Variants in GABRA3 observed in about 807,000 individuals in gnomAD.
The protein encoded by GABRA3 is gamma-aminobutyric acid receptor subunit alpha-3.
GABRA3 carries 10 observed loss-of-function variants against 30.1 expected under a neutral mutation model. That is an observed-to-expected ratio of 0.33 (90% confidence interval 0.20 to 0.56). The LOEUF (loss-of-function observed/expected upper bound fraction) is 0.56, where lower values mean the gene tolerates loss of function less well. GABRA3 is among the 20% of genes least tolerant of loss of function. GABRA3 has a pLI of 0.89. For missense variants in GABRA3, 233 were observed against 392.0 expected (o/e 0.59, Z 3.42); for synonymous variants, 151 against 146.8 (o/e 1.03, Z -0.21).
At chrX:152,232,419 T>G (rs1938099515) in intron 5 of GABRA3, among the ~76,000 whole-genome samples, 1 of 109,636 alleles carries the variant, frequency 9.1e-6, no homozygotes, top group African/African-American at 3.3e-5. Context: ...CTTCCTACTC[T>G]CCTACCCTTT....
intron 4 of GABRA3, 114 bp downstream of exon 4, chrX:152,284,554 T>G: frequency 2.1e-6 from 1 of 478,650 alleles, no homozygotes; most frequent in Non-Finnish European, 3.5e-6. Context: ...GAAATTCATA[T>G]GAGAAAAGAC....
chrX:152,239,537 C>T (rs1328327858), intron 5 of GABRA3, among the ~76,000 whole-genome samples: 6 of 90,706 alleles, frequency 6.6e-5, no homozygotes, highest in Admixed American at 2.5e-4. Flanking sequence ...GAGTTCAATT[C>T]CTGGGTATCC....
chrX:152,412,829 C>T (rs190109336), intron 1 of GABRA3, among the ~76,000 whole-genome samples: 3 of 110,809 alleles, frequency 2.7e-5, no homozygotes, highest in African/African-American at 9.8e-5. Context: ...GTCACTGAAA[C>T]GTACACTTTA....
chrX:152,195,894 C>T (rs138733070), intron 8 of GABRA3, among the ~76,000 whole-genome samples: 4,520 of 111,034 alleles, frequency 0.041, 165 homozygotes, highest in African/African-American at 0.12. Context: ...ATTCTGCCTA[C>T]CACAATCTTA....
intron 3 of GABRA3, among the ~76,000 whole-genome samples, chrX:152,294,417 T>C (rs1310583465): frequency 1.8e-5 from 2 of 111,460 alleles, no homozygotes; most frequent in Non-Finnish European, 3.8e-5. Flanking sequence ...CTTGATCGAA[T>C]TGGCTACTGA....
intron 3 of GABRA3, among the ~76,000 whole-genome samples, chrX:152,344,768 C>G (rs1940365596): frequency 9.0e-6 from 1 of 111,104 alleles, no homozygotes; most frequent in East Asian, 2.8e-4. Context: ...TAATCAATGT[C>G]ATGAAAGACA....
At chrX:152,327,293 G>A (rs746822645) in intron 3 of GABRA3, among the ~76,000 whole-genome samples, 5 of 110,669 alleles carry the variant, frequency 4.5e-5, no homozygotes, top group South Asian at 3.9e-4. Flanking sequence ...ACAGATCAAC[G>A]AGACAGAAAG....
intron 5 of GABRA3, among the ~76,000 whole-genome samples, chrX:152,233,780 A>G (rs1938138221): frequency 9.6e-6 from 1 of 104,479 alleles, no homozygotes; most frequent in African/African-American, 3.5e-5. Context: ...ACAATAGCAA[A>G]GACTTGGAAC....
intron 3 of GABRA3, among the ~76,000 whole-genome samples, chrX:152,328,547 A>G (rs1193658172): frequency 8.9e-6 from 1 of 112,108 alleles, no homozygotes; most frequent in Admixed American, 9.5e-5. Flanking sequence ...GGTTCAACAT[A>G]CACAAATCAA....
rs888392110 is a variant in GABRA3 at position 152,285,320 on chromosome X, G to C, written c.263-585C>G. On this transcript the variant is annotated intron_variant, in intron 3 of 9. Coordinates refer to ENST00000370314, the MANE Select transcript of GABRA3 (RefSeq NM_000808.4). ...ATATATGGAGGAGCACTGCCCTGGA[G>C]AGTTGCCTGGATCCACAATAGACTT... Among the ~76,000 whole-genome samples the C allele has an allele frequency of 4.5e-5, 5 of 112,263 alleles. No individual in the cohort carries two copies. The Admixed American group carries it at 4.8e-4, about 11-fold the overall frequency.
At chrX:152,245,087 G>A (rs752794825) in intron 5 of GABRA3, among the ~76,000 whole-genome samples, 2 of 101,749 alleles carry the variant, frequency 2.0e-5, no homozygotes, top group South Asian at 1.0e-3. Flanking sequence ...CTATCACTGT[G>A]TTTAAGTATA....
rs559614880 is a variant in GABRA3, at chrX:152,376,791, A to G, written c.-26-12195T>C. ...AATTTAATGATACCAATCTAATTACACTGCAGTTCTGTCTATTTCTATTCA... is the reference window on the plus strand; with the variant it reads ...AATTTAATGATACCAATCTAATTACGCTGCAGTTCTGTCTATTTCTATTCA... On this transcript the variant is annotated intron_variant, in intron 1 of 9. Coordinates refer to ENST00000370314, the MANE Select transcript of GABRA3 (RefSeq NM_000808.4). Among the ~76,000 whole-genome samples the G allele has an allele frequency of 1.2e-4, 13 of 111,558 alleles. No individual in the cohort carries two copies. The South Asian group carries it at 4.9e-3, about 42-fold the overall frequency.
intron 2 of GABRA3, among the ~76,000 whole-genome samples, chrX:152,351,833 A>C (rs1437396060): frequency 9.0e-6 from 1 of 111,043 alleles, no homozygotes; most frequent in African/African-American, 3.3e-5. Flanking sequence ...TAACACTTAG[A>C]GGCTATATAG....
chrX:152,262,006 G>T, intron 4 of GABRA3, among the ~76,000 whole-genome samples: 1 of 112,558 alleles, frequency 8.9e-6, no homozygotes, highest in Non-Finnish European at 1.9e-5. Context: ...TGACTTCTGT[G>T]TACCTGCAGG....
chrX:152,430,320 G>A (rs1201057446), intron 1 of GABRA3, among the ~76,000 whole-genome samples: 1 of 111,895 alleles, frequency 8.9e-6, no homozygotes, highest in African/African-American at 3.2e-5. Context: ...GGAAGAGGCA[G>A]CCAGAAGTTC....
chrX:152,409,304 C>T (rs1193167984), intron 1 of GABRA3, among the ~76,000 whole-genome samples: 2 of 111,599 alleles, frequency 1.8e-5, no homozygotes, highest in African/African-American at 6.5e-5. Flanking sequence ...TATGATTGCA[C>T]CACTGCACTC....
At chrX:152,215,938 C>T (rs1443821669) in intron 6 of GABRA3, among the ~76,000 whole-genome samples, 1 of 111,133 alleles carries the variant, frequency 9.0e-6, no homozygotes, top group Non-Finnish European at 1.9e-5. Flanking sequence ...CCTTAATAGA[C>T]TTCTCTCAAA....
intron 3 of GABRA3, among the ~76,000 whole-genome samples, chrX:152,295,645 G>A (rs905665690): frequency 8.9e-5 from 10 of 112,690 alleles, no homozygotes; most frequent in Non-Finnish European, 1.3e-4. Flanking sequence ...TTGACCCCTT[G>A]CACATCCTCG....
At chrX:152,404,087 A>T (rs1929865804) in intron 1 of GABRA3, among the ~76,000 whole-genome samples, 1 of 111,518 alleles carries the variant, frequency 9.0e-6, no homozygotes, top group South Asian at 3.8e-4. Flanking sequence ...CCAAAATTTC[A>T]GCTGGAATGC....
Sources: gnomAD v4.1 joint callset for allele counts (sites outside exome capture counted in the v4.1 genomes callset) on GRCh38, gnomAD v4.1.1 for gene constraint, MANE v1.5 for transcripts, NCBI Gene and HGNC (gene_info 2026-07-23, HGNC 2026-07-21) for gene names.